XIRP2: variants seen among roughly 807,000 people sequenced by gnomAD.
XIRP2 encodes the protein xin actin-binding repeat-containing protein 2.
XIRP2 carries 236 observed loss-of-function variants against 277.0 expected under a neutral mutation model. The observed-to-expected ratio is 0.85, with a 90% CI of 0.77 to 0.95. XIRP2 has a LOEUF of 0.95. Among genes scored for constraint, XIRP2 ranks in the 40% least tolerant of loss-of-function variants. The probability of loss-of-function intolerance (pLI) is 0.00; values close to 1 mark genes in which losing one functional copy is unlikely to be tolerated. For missense variants in XIRP2, 4,640 were observed against 4,157.5 expected, an observed-to-expected ratio of 1.12 and a Z score of -3.19; for synonymous variants, 1,490 against 1,416.5, an observed-to-expected ratio of 1.05 and a Z score of -1.17.
At chr2:167,212,676 T>C (rs966890075) in intron 4 of XIRP2, among the ~76,000 whole-genome samples, 13 of 152,338 alleles carry the variant, frequency 8.5e-5, no homozygotes, top group African/African-American at 2.9e-4. Flanking sequence ...TTGACTCTTG[T>C]GCTCTTCTAA....
chr2:167,085,193 G>C (rs959227263), intron 2 of XIRP2, among the ~76,000 whole-genome samples: 4 of 150,490 alleles, frequency 2.7e-5, no homozygotes, highest in Non-Finnish European at 5.9e-5. Flanking sequence ...CCTTCATTTC[G>C]TTATGTACCC....
chr2:167,249,194 T>C lies in XIRP2; in HGVS notation c.7802T>C (p.Ile2601Thr), dbSNP rs377767168. 2 of 1,613,694 alleles carry C rather than the reference T, an allele frequency of 1.2e-6. No individual in the cohort carries two copies. The highest frequency in any genetic ancestry group is 1.7e-6 in the Non-Finnish European group (2 of 1,179,760). ...AATGAGGAGGTTTCCCTATCTGGAATTGATTCAGAATGCACTGTGGTTCAA... is the reference window on the plus strand; with the variant it reads ...AATGAGGAGGTTTCCCTATCTGGAACTGATTCAGAATGCACTGTGGTTCAA... ...KTNEEVSLSG[I>T]DSECTVVQPS... The change falls in exon 9 of 11, where the codon ATT becomes ACT. Residue 2601 changes from isoleucine to threonine, a missense_variant. Physicochemically the swap from Ile to Thr is moderately conservative, Grantham distance 89 (BLOSUM62 -1). Coordinates refer to ENST00000409195, the MANE Select transcript of XIRP2 (RefSeq NM_152381.6).
At chr2:166,988,034 T>C (rs1687055845) in intron 2 of XIRP2, among the ~76,000 whole-genome samples, 1 of 152,156 alleles carries the variant, frequency 6.6e-6, no homozygotes, top group African/African-American at 2.4e-5. Context: ...AAAGAGACAC[T>C]GATGTATTTA....
intron 2 of XIRP2, among the ~76,000 whole-genome samples, chr2:167,112,140 G>GA (rs1553487610): frequency 6.6e-6 from 1 of 151,810 alleles, no homozygotes; most frequent in African/African-American, 2.4e-5. Flanking sequence ...CTTTGATATA[G>GA]TTTTTTGTGT....
chr2:167,131,196 G>A (rs142336605), intron 2 of XIRP2, among the ~76,000 whole-genome samples: 1,693 of 152,174 alleles, frequency 0.011, 23 homozygotes, highest in South Asian at 0.042. Context: ...GAACAGGAAC[G>A]CTTTCTGTTA....
intron 2 of XIRP2, among the ~76,000 whole-genome samples, chr2:167,072,706 T>C (rs545627032): frequency 8.5e-4 from 129 of 152,302 alleles, no homozygotes; most frequent in Non-Finnish European, 1.5e-3. Flanking sequence ...ACCTGGCTAT[T>C]GAGTCACCTT....
chr2:167,070,757 C>A (rs1216600480), intron 2 of XIRP2, among the ~76,000 whole-genome samples: 1 of 152,024 alleles, frequency 6.6e-6, no homozygotes, highest in Non-Finnish European at 1.5e-5. Context: ...TGGAGCATAC[C>A]AGGCTCAAGG....
chr2:166,976,320 G>A (rs1352118691), intron 2 of XIRP2, among the ~76,000 whole-genome samples: 2 of 152,090 alleles, frequency 1.3e-5, no homozygotes, highest in Non-Finnish European at 2.9e-5. Context: ...TCTAGCTGTG[G>A]CATTTCTTCC....
chr2:167,247,986 TATAAAG>T lies in XIRP2; in HGVS notation c.6596_6601del (p.Ile2199_Lys2200del). ...AAGAAACAAAATATTCTAATAAGGA[TATAAAG>T]AAAAAGAATATAAACCTTCAACCAA... On this transcript the variant is annotated inframe_deletion, in exon 9 of 11. Transcript: ENST00000409195. The T allele has an allele frequency of 6.2e-7, 1 of 1,612,438 alleles. No individual in the cohort carries two copies. The highest frequency in any genetic ancestry group is 8.5e-7 in the Non-Finnish European group (1 of 1,179,408).
intron 2 of XIRP2, among the ~76,000 whole-genome samples, chr2:167,052,693 A>G (rs539839335): frequency 3.9e-5 from 6 of 152,180 alleles, no homozygotes; most frequent in Non-Finnish European, 8.8e-5. Context: ...GCACATACAC[A>G]AGTATAAAAC....
intron 5 of XIRP2, among the ~76,000 whole-genome samples, chr2:167,227,150 G>A (rs1383011804): frequency 2.0e-5 from 3 of 152,168 alleles, no homozygotes; most frequent in African/African-American, 7.2e-5. Context: ...GCGTGCACAC[G>A]TCATTCTGTT....
chr2:167,053,471 G>A (rs1688966038), intron 2 of XIRP2, among the ~76,000 whole-genome samples: 1 of 151,904 alleles, frequency 6.6e-6, no homozygotes, highest in Non-Finnish European at 1.5e-5. Context: ...GCAATGGGTT[G>A]TTTTTATTAA....
In XIRP2 at chr2:167,245,560, A is replaced by G. The variant is rs759638026; in HGVS notation, c.4168A>G (p.Arg1390Gly). 5 of 1,613,576 alleles carry G rather than the reference A, an allele frequency of 3.1e-6. No homozygotes were observed. The African/African-American group carries it at 5.3e-5, about 17-fold the overall frequency. The change falls in exon 9 of 11, where the codon AGA (arginine) becomes GGA (glycine). Residue 1390 changes from arginine (R) to glycine (G), a missense_variant. Physicochemically the swap from Arg to Gly is moderately radical, Grantham distance 125. Transcript: ENST00000409195. ...QKGDVSSVRYRFETQPLDQIS... is the reference protein window; with the variant it reads ...QKGDVSSVRYGFETQPLDQIS... The stretch of plus-strand genomic sequence containing the variant: ...GGGAGATGTTAGTTCTGTCAGATAC[A>G]GATTTGAAACTCAGCCACTGGATCA...
At chr2:166,952,176 T>C (rs1352759362) in intron 2 of XIRP2, among the ~76,000 whole-genome samples, 6 of 151,996 alleles carry the variant, frequency 3.9e-5, no homozygotes, top group African/African-American at 1.4e-4. Context: ...TTTGTCACTT[T>C]TCATGATTTT....
intron 2 of XIRP2, among the ~76,000 whole-genome samples, chr2:167,037,518 G>GTGT (rs1553481077): frequency 0.01 from 1,271 of 126,440 alleles, 17 homozygotes; most frequent in East Asian, 0.026. Flanking sequence ...TCATGTGGGG[G>GTGT]GTGTGTGTGT....
At chr2:167,023,838 A>G (rs1361023972) in intron 2 of XIRP2, among the ~76,000 whole-genome samples, 2 of 152,148 alleles carry the variant, frequency 1.3e-5, no homozygotes, top group African/African-American at 2.4e-5. Flanking sequence ...TACCAGTACC[A>G]TGCTGTTTTG....
intron 2 of XIRP2, among the ~76,000 whole-genome samples, chr2:167,007,864 G>A (rs1350529556): frequency 6.6e-6 from 1 of 151,508 alleles, no homozygotes; most frequent in Non-Finnish European, 1.5e-5. Flanking sequence ...GGAAGGGGAA[G>A]TATTAGACAA....
chr2:166,931,555 C>T (rs1685337634), intron 2 of XIRP2, among the ~76,000 whole-genome samples: 2 of 152,068 alleles, frequency 1.3e-5, no homozygotes, highest in South Asian at 2.1e-4. Context: ...TTTCACTTAA[C>T]ATATTTTGGA....
intron 2 of XIRP2, among the ~76,000 whole-genome samples, chr2:167,058,778 C>T (rs1007749378): frequency 5.3e-5 from 8 of 152,068 alleles, no homozygotes; most frequent in African/African-American, 1.2e-4. Flanking sequence ...CAGGTGGTCA[C>T]GTCTGGAATC....
Sources: gnomAD v4.1 joint callset for allele counts (sites outside exome capture counted in the v4.1 genomes callset) on GRCh38, gnomAD v4.1.1 for gene constraint, MANE v1.5 for transcripts, NCBI Gene and HGNC (gene_info 2026-07-23, HGNC 2026-07-21) for gene names.